GRIN3A: variants seen among roughly 807,000 people sequenced by gnomAD.
GRIN3A encodes the protein glutamate receptor ionotropic, NMDA 3A.
A neutral mutation model predicts 92.4 loss-of-function variants in GRIN3A; 47 were observed. That is an observed-to-expected ratio of 0.51 (90% CI 0.40 to 0.65). GRIN3A has a LOEUF of 0.65. GRIN3A is among the 30% of genes least tolerant of loss of function. The pLI, the probability that GRIN3A is intolerant of heterozygous loss-of-function variation, is 0.00. For synonymous variants in GRIN3A, 527 were observed against 540.6 expected (o/e 0.97, Z 0.35); for missense variants, 1,324 against 1,393.1 (o/e 0.95, Z 0.79).
chr9:101,671,155 A>G lies in GRIN3A; in HGVS notation c.1305-48T>C, dbSNP rs181062345. ...AAAAGTAAGAAAAGCAGTGAGGCCTAAGATAGGAAGCAGTGTTCAGCTTTG... is the reference window on the plus strand; with the variant it reads ...AAAAGTAAGAAAAGCAGTGAGGCCTGAGATAGGAAGCAGTGTTCAGCTTTG... On this transcript the variant is annotated intron_variant, in intron 2 of 8. Coordinates refer to ENST00000361820, the MANE Select transcript of GRIN3A (RefSeq NM_133445.3). The G allele has an allele frequency of 5.7e-6, 7 of 1,227,442 alleles. 1 individual carries two copies. The Admixed American group carries it at 6.7e-5, about 12-fold the overall frequency. The allele number at this position is 1,227,442 out of a possible 1,614,324, so 76.0% of individuals were successfully genotyped here. A position where few individuals can be genotyped will look rare whatever the true frequency, so the allele number is the denominator to read the frequency against.
intron 1 of GRIN3A, among the ~76,000 whole-genome samples, chr9:101,734,431 T>C (rs1437793617): frequency 6.8e-6 from 1 of 147,710 alleles, no homozygotes; most frequent in Non-Finnish European, 1.5e-5. Flanking sequence ...TAATGTTTTA[T>C]TAAGCTTTTA....
At chr9:101,708,237 T>C (rs1344981834) in intron 1 of GRIN3A, among the ~76,000 whole-genome samples, 1 of 152,160 alleles carries the variant, frequency 6.6e-6, no homozygotes, top group Non-Finnish European at 1.5e-5. Context: ...GTGATCTTGA[T>C]TTTAAGACTT....
chr9:101,594,313 A>T, intron 6 of GRIN3A: 1 of 1,445,674 alleles, frequency 6.9e-7, no homozygotes, highest in Non-Finnish European at 9.3e-7. Flanking sequence ...AAATACTTCC[A>T]GATAAGTCAG....
chr9:101,639,508 A>G (rs998842878), intron 3 of GRIN3A, among the ~76,000 whole-genome samples: 1 of 152,206 alleles, frequency 6.6e-6, no homozygotes, highest in African/African-American at 2.4e-5. Flanking sequence ...CCAGCTGTGT[A>G]CTATACCCTG....
chr9:101,579,428 T>G, intron 6 of GRIN3A, 68 bp from the exon 7 acceptor site: 1 of 1,521,220 alleles, frequency 6.6e-7, no homozygotes, highest in Non-Finnish European at 9.1e-7. Flanking sequence ...TTGTGTACTC[T>G]TTGGTTTTCA....
chr9:101,577,465 C>T (rs1292031656), intron 8 of GRIN3A, among the ~76,000 whole-genome samples: 1 of 152,114 alleles, frequency 6.6e-6, no homozygotes, highest in Non-Finnish European at 1.5e-5. Context: ...AAATGAGGAA[C>T]TTGAGGTGCA....
chr9:101,609,109 G>A (rs564720689), intron 6 of GRIN3A, among the ~76,000 whole-genome samples: 1 of 152,332 alleles, frequency 6.6e-6, no homozygotes, highest in African/African-American at 2.4e-5. Context: ...TGTGTTTCAA[G>A]GGAGGCTGTG....
At chr9:101,727,036 A>G (rs1022442362) in intron 1 of GRIN3A, among the ~76,000 whole-genome samples, 1 of 152,162 alleles carries the variant, frequency 6.6e-6, no homozygotes, top group African/African-American at 2.4e-5. Context: ...TGACGGTGTC[A>G]CAAAACTCAA....
At chr9:101,680,903 A>G (rs1829458422) in intron 2 of GRIN3A, among the ~76,000 whole-genome samples, 1 of 152,240 alleles carries the variant, frequency 6.6e-6, no homozygotes, top group South Asian at 2.1e-4. Flanking sequence ...AGGATTCTAC[A>G]TCCCAATTAG....
At chr9:101,630,619 T>C (rs1408267819) in intron 3 of GRIN3A, among the ~76,000 whole-genome samples, 1 of 152,244 alleles carries the variant, frequency 6.6e-6, no homozygotes, top group Non-Finnish European at 1.5e-5. Flanking sequence ...CTTCTGATAC[T>C]ATATCATACT....
chr9:101,573,369 C>T lies in GRIN3A; in HGVS notation c.3153G>A (p.Arg1051=). The T allele has an allele frequency of 6.2e-7, 1 of 1,614,028 alleles. No homozygotes were observed. Among genetic ancestry groups the T allele is most frequent in the Non-Finnish European group, 8.5e-7 (1 of 1,179,960 alleles). Reference sequence around the variant, plus strand: ...TCCGCAAGGCAGGGAGCTCTCTTCTCCTTGGAGGGAGGGGGATGTCCTGGT... The same window carrying T: ...TCCGCAAGGCAGGGAGCTCTCTTCTTCTTGGAGGGAGGGGGATGTCCTGGT... ...RIHQDIPLPP[R]RRELPALRTT... is the part of the protein sequence containing the mutation. The change falls in exon 9 of 9, where the codon AGG becomes AGA. Residue 1051 remains arginine, a synonymous_variant. Transcript: ENST00000361820.
intron 8 of GRIN3A, among the ~76,000 whole-genome samples, chr9:101,575,739 G>A (rs534392107): frequency 1.3e-5 from 2 of 152,136 alleles, no homozygotes; most frequent in African/African-American, 4.8e-5. Flanking sequence ...ATGTCAAGTT[G>A]TAGCATGCAT....
intron 1 of GRIN3A, among the ~76,000 whole-genome samples, chr9:101,719,555 A>T (rs553369338): frequency 6.6e-6 from 1 of 152,176 alleles, no homozygotes; most frequent in South Asian, 2.1e-4. Flanking sequence ...AAGCTTACTG[A>T]TTTATTACTG....
chr9:101,699,869 CT>C (rs1169640401), intron 1 of GRIN3A, among the ~76,000 whole-genome samples: 1 of 152,218 alleles, frequency 6.6e-6, no homozygotes, highest in Non-Finnish European at 1.5e-5. Context: ...TCCAAGTTCT[CT>C]TGCCTCTACA....
chr9:101,590,385 T>C (rs1828008310), intron 6 of GRIN3A, among the ~76,000 whole-genome samples: 1 of 134,212 alleles, frequency 7.5e-6, no homozygotes, highest in Non-Finnish European at 1.6e-5. Context: ...TATTTATTTA[T>C]TTATTTATTT....
At chr9:101,594,621 T>C (rs201136759) in intron 6 of GRIN3A, 54 of 1,614,216 alleles carry the variant, frequency 3.3e-5, no homozygotes, top group Non-Finnish European at 4.5e-5. Flanking sequence ...TCTTTATCCA[T>C]GTCGTAAATG....
At chr9:101,683,608 C>A (rs1829490708) in intron 2 of GRIN3A, among the ~76,000 whole-genome samples, 1 of 152,130 alleles carries the variant, frequency 6.6e-6, no homozygotes, top group African/African-American at 2.4e-5. Context: ...TTTCTCTTTT[C>A]CTGTATCCCT....
At chr9:101,673,445 T>C (rs1249671751) in intron 2 of GRIN3A, among the ~76,000 whole-genome samples, 3 of 152,160 alleles carry the variant, frequency 2.0e-5, no homozygotes, top group Non-Finnish European at 2.9e-5. Context: ...CTTGTTTCAC[T>C]ACTGGCTCCA....
intron 3 of GRIN3A, among the ~76,000 whole-genome samples, chr9:101,657,860 T>C (rs1229083592): frequency 6.6e-6 from 1 of 151,940 alleles, no homozygotes; most frequent in Non-Finnish European, 1.5e-5. Flanking sequence ...GGTGGAGGTG[T>C]GGGAGTTATT....
Sources: gnomAD v4.1 joint callset for allele counts (sites outside exome capture counted in the v4.1 genomes callset) on GRCh38, gnomAD v4.1.1 for gene constraint, MANE v1.5 for transcripts, NCBI Gene and HGNC (gene_info 2026-07-23, HGNC 2026-07-21) for gene names.